The following CSMD2 variants were observed in gnomAD, a reference collection of about 807,000 sequenced individuals.
The protein encoded by CSMD2 is CUB and Sushi multiple domains 2, also known as CUB and sushi domain-containing protein 2.
In CSMD2, 130 loss-of-function variants were observed where a neutral mutation model predicts 398.5. That is an observed-to-expected ratio of 0.33 (90% confidence interval 0.28 to 0.38). The LOEUF is 0.38. Among genes scored for constraint, CSMD2 ranks in the 10% least tolerant of loss-of-function variants. The probability of loss-of-function intolerance (pLI) is 1.00; values close to 1 mark genes in which losing one functional copy is unlikely to be tolerated. For missense variants in CSMD2, 3,829 were observed against 4,764.9 expected (o/e 0.80, Z 5.78); for synonymous variants, 1,828 against 1,908.5 (o/e 0.96, Z 1.10).
At chr1:33,720,295 G>C (rs1646316402) in intron 19 of CSMD2, among the ~76,000 whole-genome samples, 1 of 152,196 alleles carries the variant, frequency 6.6e-6, no homozygotes, top group Admixed American at 6.5e-5. Flanking sequence ...GTCTGTCAGG[G>C]AGACTGATGA....
At chr1:33,684,062 G>T (rs1006236914) in intron 25 of CSMD2, among the ~76,000 whole-genome samples, 1 of 152,184 alleles carries the variant, frequency 6.6e-6, no homozygotes, top group Non-Finnish European at 1.5e-5. Flanking sequence ...CTGGCTGGAG[G>T]GAGGCAACAC....
intron 42 of CSMD2, among the ~76,000 whole-genome samples, chr1:33,603,784 T>A (rs1348630151): frequency 1.3e-5 from 2 of 152,222 alleles, no homozygotes; most frequent in African/African-American, 2.4e-5. Flanking sequence ...GGACTCCTTC[T>A]AGAATTCATA....
chr1:34,136,243 A>C (rs1638740395), intron 1 of CSMD2, among the ~76,000 whole-genome samples: 1 of 152,238 alleles, frequency 6.6e-6, no homozygotes, highest in Non-Finnish European at 1.5e-5. Context: ...TACTTATTTA[A>C]CTAAGAAAAA....
At chr1:34,076,261 A>G (rs1167036399) in intron 2 of CSMD2, among the ~76,000 whole-genome samples, 3 of 152,222 alleles carry the variant, frequency 2.0e-5, no homozygotes, top group African/African-American at 7.2e-5. Context: ...AAGGAAACTG[A>G]GGCTTGAATG....
At chr1:33,970,636 T>A (rs1645728111) in intron 3 of CSMD2, among the ~76,000 whole-genome samples, 1 of 152,200 alleles carries the variant, frequency 6.6e-6, no homozygotes, top group Admixed American at 6.5e-5. Context: ...GGAGATGGCT[T>A]CCTCTGAGGC....
At chr1:33,692,153 T>A (rs1231754395) in intron 25 of CSMD2, among the ~76,000 whole-genome samples, 2 of 152,238 alleles carry the variant, frequency 1.3e-5, no homozygotes, top group African/African-American at 4.8e-5. Flanking sequence ...AATAGGGCTA[T>A]TGCAGGGAGT....
At chr1:33,557,656 AC>A in intron 55 of CSMD2, 77 bp downstream of exon 55, 92 of 1,087,688 alleles carry the variant, frequency 8.5e-5, no homozygotes, top group Non-Finnish European at 1.1e-4. Flanking sequence ...ACACACACAC[AC>A]ACATGCACAG....
intron 22 of CSMD2, among the ~76,000 whole-genome samples, chr1:33,702,667 T>A (rs1645648508): frequency 6.6e-6 from 1 of 152,188 alleles, no homozygotes; most frequent in South Asian, 2.1e-4. Flanking sequence ...TTTAAAGTCA[T>A]TAAATATTTT....
chr1:33,766,138 A>T (rs1305437678), intron 13 of CSMD2, among the ~76,000 whole-genome samples: 1 of 152,124 alleles, frequency 6.6e-6, no homozygotes, highest in Non-Finnish European at 1.5e-5. Context: ...GCCAACCCCT[A>T]TAGGAACCAT....
At chr1:33,901,140 A>G (rs1046715074) in intron 5 of CSMD2, among the ~76,000 whole-genome samples, 9 of 152,264 alleles carry the variant, frequency 5.9e-5, no homozygotes, top group African/African-American at 2.2e-4. Context: ...CCAATGGGGC[A>G]AGATGGCATT....
At chr1:34,130,410 A>AAAAAAATT (rs1663223902) in intron 1 of CSMD2, among the ~76,000 whole-genome samples, 1 of 149,912 alleles carries the variant, frequency 6.7e-6, no homozygotes, top group Non-Finnish European at 1.5e-5. Context: ...AAAAAAAAAA[A>AAAAAAATT]GTTTGTTGTT....
At chr1:33,729,453 C>A (rs1025481391) in intron 15 of CSMD2, among the ~76,000 whole-genome samples, 1 of 103,828 alleles carries the variant, frequency 9.6e-6, no homozygotes. Context: ...GGGGAGGATT[C>A]TTTTTTTTTT....
chr1:33,673,354 G>C, intron 25 of CSMD2, among the ~76,000 whole-genome samples: 1 of 152,154 alleles, frequency 6.6e-6, no homozygotes, highest in Admixed American at 6.5e-5. Context: ...TGTAAGAAAG[G>C]GTATCAGCGA....
Position 33,559,916 on chromosome 1 carries a change from T to G in CSMD2, c.8381-443A>C, listed in dbSNP as rs1658388111. Among the ~76,000 whole-genome samples, 1 of 152,158 alleles carries G rather than the reference T, an allele frequency of 6.6e-6. No individual in the cohort carries two copies. Among genetic ancestry groups the G allele is most frequent in the Non-Finnish European group, 1.5e-5 (1 of 68,034 alleles). On this transcript the variant is annotated intron_variant, in intron 53 of 70. Transcript: ENST00000373381. This position sits in a 1 kb window ranked among gnomAD's most constrained non-coding sequence, Gnocchi z 4.0. Reference sequence around the variant, plus strand: ...AATACTAACCAAGACTGGTGCAGAGTTCAGTCACTCTGCTAGATCAATAGC... The same window carrying G: ...AATACTAACCAAGACTGGTGCAGAGGTCAGTCACTCTGCTAGATCAATAGC...
chr1:33,878,318 C>A (rs552329868), intron 5 of CSMD2: 1 of 152,410 alleles, frequency 6.6e-6, no homozygotes, highest in African/African-American at 2.4e-5. Flanking sequence ...AGCAACCACA[C>A]TTCCCCTCTG....
intron 44 of CSMD2, among the ~76,000 whole-genome samples, chr1:33,591,045 A>G (rs1014260954): frequency 5.7e-5 from 8 of 139,184 alleles, no homozygotes; most frequent in African/African-American, 2.2e-4. Context: ...CTGGATCACA[A>G]TGGTGCGATC....
rs374718991 is a variant in CSMD2 at position 33,635,173 on chromosome 1, G to C, written c.5086+41C>G. The C allele has an allele frequency of 8.1e-7, 1 of 1,231,384 alleles. No individual in the cohort carries two copies. The highest frequency in any genetic ancestry group is 1.2e-6 in the Non-Finnish European group (1 of 838,658). The allele number at this position is 1,231,384 out of a possible 1,614,324, so 76.3% of individuals were successfully genotyped here. A position where few individuals can be genotyped will look rare whatever the true frequency, so the allele number is the denominator to read the frequency against. On this transcript the variant is annotated intron_variant, in intron 31 of 70. Transcript: ENST00000373381. The surrounding 1 kb of genome is among the most constrained non-coding windows in gnomAD (Gnocchi z 5.0). ...TTGCTCATTTTGGAATGAGGGTGAG[G>C]AGTCAGAAAACATATGAACAACAAC... is the stretch of plus-strand genomic sequence containing the variant.
At chr1:34,101,012 G>GT (rs1659885392) in intron 1 of CSMD2, among the ~76,000 whole-genome samples, 1 of 152,222 alleles carries the variant, frequency 6.6e-6, no homozygotes, top group South Asian at 2.1e-4. Context: ...ATGTATGTTA[G>GT]TAAGTTGAAG....
intron 19 of CSMD2, among the ~76,000 whole-genome samples, chr1:33,723,184 G>T (rs1571344935): frequency 6.6e-6 from 1 of 152,178 alleles, no homozygotes; most frequent in African/African-American, 2.4e-5. Context: ...TATCCGGAAG[G>T]ATTAATCTTC....
Sources: allele counts gnomAD v4.1 joint callset (sites outside exome capture counted in the v4.1 genomes callset), GRCh38; gene constraint gnomAD v4.1.1; non-coding constraint Gnocchi (gnomAD v3.1); transcripts MANE v1.5; gene names NCBI Gene and HGNC (gene_info 2026-07-23, HGNC 2026-07-21).